Variants in KIF16B observed in about 807,000 individuals in gnomAD.
The protein encoded by KIF16B is kinesin family member 16B, also known as kinesin-like protein KIF16B.
In KIF16B, 98 loss-of-function variants were observed where a neutral mutation model predicts 156.3. The observed-to-expected ratio is 0.63, with a 90% CI of 0.53 to 0.74. The LOEUF (loss-of-function observed/expected upper bound fraction) is 0.74, where lower values mean the gene tolerates loss of function less well. Among genes scored for constraint, KIF16B ranks in the 30% least tolerant of loss-of-function variants. The pLI is 0.00. For synonymous variants in KIF16B, 564 were observed against 583.7 expected (o/e 0.97, Z 0.49); for missense variants, 1,421 against 1,606.5 (o/e 0.88, Z 1.97).
At chr20:16,458,084 G>A (rs549640073) in intron 12 of KIF16B, among the ~76,000 whole-genome samples, 3 of 152,152 alleles carry the variant, frequency 2.0e-5, no homozygotes, top group South Asian at 2.1e-4. Context: ...AGATCAAAAC[G>A]GTATAGTTTT....
At chr20:16,389,797 G>A (rs2065320173) in intron 17 of KIF16B, among the ~76,000 whole-genome samples, 1 of 152,184 alleles carries the variant, frequency 6.6e-6, no homozygotes, top group African/African-American at 2.4e-5. Flanking sequence ...GGAGACTGAT[G>A]AAAAGAAGAA....
chr20:16,542,012 T>C (rs1471771116), intron 1 of KIF16B, among the ~76,000 whole-genome samples: 1 of 152,212 alleles, frequency 6.6e-6, no homozygotes, highest in East Asian at 1.9e-4. Context: ...CGGTGCCTAC[T>C]GTACCAACCT....
chr20:16,379,327 A>AATTCTCGT lies in KIF16B; in HGVS notation c.2674_2675insACGAGAAT (p.Phe892TyrfsTer7). On this transcript the variant is annotated frameshift_variant, in exon 19 of 26. Coordinates refer to ENST00000354981, the MANE Select transcript of KIF16B (RefSeq NM_024704.5). LOFTEE classifies it high-confidence loss of function. ...GTACTCCACTGGCTTTATTTTCTCG[A>AATTCTCGT]AATCTTGAGGCACTTCCGTGACATC... is the stretch of plus-strand genomic sequence containing the variant. 6.2e-7 allele frequency: 1 copy of AATTCTCGT among 1,606,422 alleles called. No homozygotes were observed. Among genetic ancestry groups the AATTCTCGT allele is most frequent in the Non-Finnish European group, 8.5e-7 (1 of 1,177,148 alleles).
At chr20:16,364,641 C>G (rs906414815) in intron 22 of KIF16B, among the ~76,000 whole-genome samples, 1 of 152,142 alleles carries the variant, frequency 6.6e-6, no homozygotes, top group Non-Finnish European at 1.5e-5. Flanking sequence ...ACAGGCATCA[C>G]GACAACCTTA....
chr20:16,444,699 CTACTT>C (rs1170209833), intron 12 of KIF16B, among the ~76,000 whole-genome samples: 2 of 152,094 alleles, frequency 1.3e-5, no homozygotes, highest in African/African-American at 2.4e-5. Flanking sequence ...TTTTTTGTAT[CTACTT>C]TAATGTATGT....
intron 1 of KIF16B, among the ~76,000 whole-genome samples, chr20:16,544,256 G>A (rs979743688): frequency 6.6e-6 from 1 of 151,990 alleles, no homozygotes; most frequent in Non-Finnish European, 1.5e-5. Flanking sequence ...TGCTCATGCT[G>A]GTCCTTCTGC....
intron 10 of KIF16B, among the ~76,000 whole-genome samples, chr20:16,503,052 A>C (rs1402942340): frequency 6.6e-6 from 1 of 152,160 alleles, no homozygotes; most frequent in African/African-American, 2.4e-5. Flanking sequence ...CGTCTCTACC[A>C]AAAATACAAA....
intron 17 of KIF16B, 53 bp downstream of exon 17, chr20:16,404,760 C>A (rs1568941286): frequency 3.6e-6 from 5 of 1,378,138 alleles, no homozygotes; most frequent in African/African-American, 1.4e-5. Context: ...GGAGTTGGCA[C>A]AATAAATGCA....
chr20:16,498,125 C>T (rs1409192928), intron 10 of KIF16B, among the ~76,000 whole-genome samples: 1 of 152,108 alleles, frequency 6.6e-6, no homozygotes, highest in Admixed American at 6.6e-5. Context: ...TGGTATACCC[C>T]ATATGGCATG....
chr20:16,291,325 T>G (rs2063311981), intron 25 of KIF16B, among the ~76,000 whole-genome samples: 1 of 152,196 alleles, frequency 6.6e-6, no homozygotes, highest in African/African-American at 2.4e-5. Flanking sequence ...GGTCATCTCG[T>G]TACTTAAGGT....
At chr20:16,528,244 C>A in intron 2 of KIF16B, 127 bp downstream of exon 2, 1 of 677,034 alleles carries the variant, frequency 1.5e-6, no homozygotes, top group Non-Finnish European at 2.6e-6. Context: ...TGCAAGCTGA[C>A]GTGGCTAACT....
In KIF16B at chr20:16,517,263, T is replaced by G. The variant is rs1003750679; in HGVS notation, c.232-1599A>C. 5.9e-5 allele frequency among the ~76,000 whole-genome samples: 9 copies of G among 152,378 alleles called. No individual in the cohort carries two copies. The East Asian group carries it at 1.7e-3, about 29-fold the overall frequency. On this transcript the variant is annotated intron_variant, in intron 3 of 25. Transcript: ENST00000354981. ...GATTTCAACAAACTGTTATTTCCAT[T>G]GGGTCATTTCCACAAATTGCCAGTC... is the stretch of plus-strand genomic sequence containing the variant.
At chr20:16,469,243 A>ACCCTGTGT (rs1405078100) in intron 12 of KIF16B, among the ~76,000 whole-genome samples, 1 of 135,710 alleles carries the variant, frequency 7.4e-6, no homozygotes, top group Non-Finnish European at 1.5e-5. Flanking sequence ...ACAGAGCAGG[A>ACCCTGTGT]CCCTGTGTCT....
chr20:16,354,477 TACAC>T (rs10567864), intron 23 of KIF16B, among the ~76,000 whole-genome samples: 23,937 of 148,508 alleles, frequency 0.16, 2,014 homozygotes, highest in East Asian at 0.24. Flanking sequence ...AATGGAATTC[TACAC>T]ACACACACAC....
chr20:16,315,610 C>T (rs988464989), intron 24 of KIF16B, among the ~76,000 whole-genome samples: 3 of 152,264 alleles, frequency 2.0e-5, no homozygotes, highest in Non-Finnish European at 2.9e-5. Flanking sequence ...GAGTTGTCAA[C>T]GGGACCCTGC....
chr20:16,477,620 T>C (rs1179268885), intron 12 of KIF16B, among the ~76,000 whole-genome samples: 1 of 152,164 alleles, frequency 6.6e-6, no homozygotes, highest in African/African-American at 2.4e-5. Flanking sequence ...GTCATAAACA[T>C]TCTGGGTAAG....
intron 23 of KIF16B, among the ~76,000 whole-genome samples, chr20:16,344,097 TTAAC>T (rs1276291291): frequency 1.3e-5 from 2 of 152,208 alleles, no homozygotes; most frequent in African/African-American, 4.8e-5. Flanking sequence ...GTCTAATTCA[TTAAC>T]TAATTCTACT....
intron 15 of KIF16B, among the ~76,000 whole-genome samples, chr20:16,423,501 C>T (rs1279113907): frequency 5.3e-5 from 8 of 152,098 alleles, no homozygotes; most frequent in Non-Finnish European, 1.0e-4. Context: ...TTACTTCCCA[C>T]GATTCTGGGA....
At position 16,379,870 on chromosome 20, in the gene KIF16B, C is replaced by T. The variant is rs149204565; in HGVS notation, c.2132G>A (p.Arg711Gln). Residue 711 changes from arginine (R) to glutamine (Q), a missense_variant, in exon 19 of 26, where the codon CGA becomes CAA. Transcript: ENST00000354981. ...TFLRVQEELQ[R>Q]LKELNNNEKA... is the part of the protein sequence containing the mutation. ...CTCGTTGTTGTTGAGTTCTTTGAGTCGTTGGAGTTCTTCTTGGACGCGGAG... is the reference window on the plus strand; with the variant it reads ...CTCGTTGTTGTTGAGTTCTTTGAGTTGTTGGAGTTCTTCTTGGACGCGGAG... The T allele has an allele frequency of 4.2e-4, 679 of 1,614,150 alleles. 7 individuals are homozygous for T. The East Asian group carries it at 0.013, about 30-fold the overall frequency.
Sources: allele counts gnomAD v4.1 joint callset (sites outside exome capture counted in the v4.1 genomes callset), GRCh38; gene constraint gnomAD v4.1.1; transcripts MANE v1.5; gene names NCBI Gene and HGNC (gene_info 2026-07-23, HGNC 2026-07-21).